The following SLC67A1 variants were observed in gnomAD, a reference collection of about 807,000 sequenced individuals.
SLC67A1 encodes solute carrier family 67 member 1, also known as solute carrier family 67 member A1.
chr11:2,902,444 T>G, the SLC67A1 span: 2 of 258,948 alleles, frequency 7.7e-6, no homozygotes, highest in Non-Finnish European at 1.2e-5. Context: ...CTCTGCCCAA[T>G]GAGGTGCCCC....
chr11:2,922,023 C>A, the SLC67A1 span: 1 of 1,106,458 alleles, frequency 9.0e-7, no homozygotes, highest in Non-Finnish European at 1.4e-6. Flanking sequence ...AGGTCCCCAG[C>A]TTTGGGGGCT....
chr11:2,919,552 G>A, the SLC67A1 span: 4 of 642,458 alleles, frequency 6.2e-6, no homozygotes. Flanking sequence ...AGGGAACCAG[G>A]CATACAGGCC....
At chr11:2,903,667 C>T in the SLC67A1 span, 1 of 662,500 alleles carries the variant, frequency 1.5e-6, no homozygotes, top group Admixed American at 2.8e-5. Flanking sequence ...CCTCTGGACC[C>T]CCGTCAGCAC....
chr11:2,902,760 TC>T, the SLC67A1 span: 1 of 984,724 alleles, frequency 1.0e-6, no homozygotes, highest in African/African-American at 1.7e-5. Context: ...CTGAGCTATG[TC>T]TCCCCTACGC....
chr11:2,909,219 G>A, the SLC67A1 span: 2 of 1,539,088 alleles, frequency 1.3e-6, no homozygotes, highest in Non-Finnish European at 1.7e-6. Flanking sequence ...CGCGGGGCGC[G>A]GGCGGCGCTC....
chr11:2,915,132 A>C, the SLC67A1 span: 1 of 985,238 alleles, frequency 1.0e-6, no homozygotes, highest in Non-Finnish European at 1.2e-6. Flanking sequence ...ATGTGAGCTT[A>C]GGGGTCCCAC....
the SLC67A1 span, chr11:2,919,118 A>C: frequency 2.8e-6 from 1 of 355,186 alleles, no homozygotes; most frequent in South Asian, 3.7e-5. Flanking sequence ...GGCACTTTCC[A>C]CACCAGGGAT....
the SLC67A1 span, chr11:2,922,217 G>A: frequency 9.3e-5 from 149 of 1,606,746 alleles, no homozygotes; most frequent in Non-Finnish European, 1.2e-4. Flanking sequence ...AGGGCTCCCC[G>A]CTTTGGGCCC....
the SLC67A1 span, among the ~76,000 whole-genome samples, chr11:2,924,413 G>A: frequency 6.6e-6 from 1 of 152,172 alleles, no homozygotes; most frequent in Non-Finnish European, 1.5e-5. The surrounding 1 kb of genome is among the most constrained non-coding windows in gnomAD (Gnocchi z 8.6). Flanking sequence ...ATGGCCAGGA[G>A]GGGCCGTGGG....
chr11:2,923,143 C>T, the SLC67A1 span, among the ~76,000 whole-genome samples: 2 of 152,216 alleles, frequency 1.3e-5, no homozygotes, highest in South Asian at 4.1e-4. The surrounding 1 kb of genome is among the most constrained non-coding windows in gnomAD (Gnocchi z 6.5). Context: ...CAGGCTCCTG[C>T]CCCACCCCAG....
chr11:2,900,157 C>T, the SLC67A1 span, among the ~76,000 whole-genome samples: 2 of 151,670 alleles, frequency 1.3e-5, no homozygotes, highest in African/African-American at 2.4e-5. Flanking sequence ...CTCCCCAAGT[C>T]CCCAGGGCGG....
the SLC67A1 span, among the ~76,000 whole-genome samples, chr11:2,915,757 C>T: frequency 8.5e-5 from 13 of 152,230 alleles, no homozygotes; most frequent in African/African-American, 1.4e-4. Flanking sequence ...GCCTTACAGA[C>T]GAGCTCAGTA....
At chr11:2,916,605 G>A in the SLC67A1 span, 5,511 of 1,601,578 alleles carry the variant, frequency 3.4e-3, 100 homozygotes, top group African/African-American at 0.05. Flanking sequence ...CTGTGCAGCC[G>A]AGGCTGTTGC....
chr11:2,901,172 G>T, the SLC67A1 span, among the ~76,000 whole-genome samples: 10 of 152,360 alleles, frequency 6.6e-5, no homozygotes, highest in Middle Eastern at 6.8e-3. Flanking sequence ...TTCCGAAGCT[G>T]CTTCTGAGGC....
the SLC67A1 span, among the ~76,000 whole-genome samples, chr11:2,903,912 C>T: frequency 6.6e-6 from 1 of 152,232 alleles, no homozygotes; most frequent in Admixed American, 6.5e-5. Context: ...TCTATCTCTC[C>T]CCTCCATCTT....
chr11:2,915,717 A>C, the SLC67A1 span, among the ~76,000 whole-genome samples: 4 of 152,176 alleles, frequency 2.6e-5, no homozygotes, highest in African/African-American at 9.6e-5. Context: ...GCTGAGAGGA[A>C]GGCCGTGGCG....
At chr11:2,905,333 C>T in the SLC67A1 span, among the ~76,000 whole-genome samples, 1 of 152,124 alleles carries the variant, frequency 6.6e-6, no homozygotes, top group Admixed American at 6.5e-5. Flanking sequence ...GAAGAAGCCA[C>T]GAAGGCAACT....
chr11:2,922,129 C>T, the SLC67A1 span: 2 of 1,613,476 alleles, frequency 1.2e-6, no homozygotes, highest in Non-Finnish European at 8.5e-7. Context: ...CATCGGGCAG[C>T]TGAGCAGCCA....
the SLC67A1 span, among the ~76,000 whole-genome samples, chr11:2,904,344 C>A: frequency 0.37 from 56,850 of 152,076 alleles, 11,998 homozygotes; most frequent in East Asian, 0.76. Flanking sequence ...CCATTCCGGG[C>A]CTGGCAGAGG....
Sources: allele counts gnomAD v4.1 joint callset (sites outside exome capture counted in the v4.1 genomes callset), GRCh38; gene constraint gnomAD v4.1.1; non-coding constraint Gnocchi (gnomAD v3.1); transcripts MANE v1.5; gene names NCBI Gene and HGNC (gene_info 2026-07-23, HGNC 2026-07-21).